The following TNFSF10 variants were observed in gnomAD, a reference collection of about 807,000 sequenced individuals.
TNFSF10 encodes the protein TNF superfamily member 10, also known as tumor necrosis factor ligand superfamily member 10.
TNFSF10 carries 13 observed loss-of-function variants against 29.5 expected under a neutral mutation model. The ratio of observed to expected loss-of-function variants is 0.44; its 90% CI spans 0.29 to 0.70. The LOEUF is 0.70. Ranked by LOEUF, TNFSF10 falls within the 30% of genes least tolerant of loss-of-function variation. The pLI, the probability that TNFSF10 is intolerant of heterozygous loss-of-function variation, is 0.13. For missense variants in TNFSF10, 345 were observed against 330.9 expected (o/e 1.04, Z -0.33); for synonymous variants, 111 against 112.8 (o/e 0.98, Z 0.10).
At chr3:172,513,348 C>T (rs1713301715) in intron 2 of TNFSF10, among the ~76,000 whole-genome samples, 3 of 152,212 alleles carry the variant, frequency 2.0e-5, no homozygotes, top group Admixed American at 2.0e-4. Flanking sequence ...TCTCAGCTTC[C>T]TCAGGACCTT....
chr3:172,506,341 G>A lies in TNFSF10; in HGVS notation c.*151C>T, dbSNP rs762249437. On this transcript the variant is annotated 3_prime_UTR_variant, in exon 5 of 5. Transcript: ENST00000241261. The stretch of plus-strand genomic sequence containing the variant: ...GTGTGTGTTGTAGAATTTTTTGGTT[G>A]TGGCTGCTCTACTCAGATTGCATAG... 5 of 929,784 alleles carry A rather than the reference G, an allele frequency of 5.4e-6. No homozygotes were observed. The highest frequency in any genetic ancestry group is 2.8e-5 in the East Asian group (1 of 35,694). 57.6% of individuals were successfully genotyped at this position (929,784 alleles called of 1,614,324 possible). A position where few individuals can be genotyped will look rare whatever the true frequency, so the allele number is the denominator to read the frequency against.
chr3:172,522,169 T>C (rs1187180813), intron 1 of TNFSF10: 3 of 356,106 alleles, frequency 8.4e-6, no homozygotes, highest in Non-Finnish European at 5.4e-6. Context: ...GTAACAAACC[T>C]GCACGTTCTG....
At chr3:172,518,190 T>C in intron 1 of TNFSF10, 1 of 1,115,300 alleles carries the variant, frequency 9.0e-7, no homozygotes, top group Non-Finnish European at 1.1e-6. Context: ...GAAGGTAGCG[T>C]GTGGGGATTA....
chr3:172,516,910 G>A (rs1230761376), intron 1 of TNFSF10, among the ~76,000 whole-genome samples: 1 of 152,186 alleles, frequency 6.6e-6, no homozygotes, highest in Non-Finnish European at 1.5e-5. Context: ...AAGGCCCGAG[G>A]GTGGTTCCAG....
chr3:172,517,586 T>C, intron 1 of TNFSF10: 1 of 985,338 alleles, frequency 1.0e-6, no homozygotes, highest in Non-Finnish European at 1.2e-6. Flanking sequence ...ATAGCAGCTA[T>C]ATTCTCACCT....
At chr3:172,517,512 AG>A (rs1713485103) in intron 1 of TNFSF10, 12 of 985,294 alleles carry the variant, frequency 1.2e-5, no homozygotes, top group Non-Finnish European at 1.4e-5. Flanking sequence ...CTTTTCTAAA[AG>A]AAAAAAAAAA....
At chr3:172,511,747 A>C in intron 2 of TNFSF10, 88 bp from the exon 3 acceptor site, 6 of 1,186,384 alleles carry the variant, frequency 5.1e-6, no homozygotes, top group Non-Finnish European at 6.0e-6. Context: ...GCTGATGTCT[A>C]ACAGGAAATT....
chr3:172,514,785 TA>T, intron 2 of TNFSF10, 75 bp downstream of exon 2: 1 of 1,554,096 alleles, frequency 6.4e-7, no homozygotes, highest in Non-Finnish European at 8.7e-7. Flanking sequence ...TTGATTATCT[TA>T]AAGATTCCTT....
chr3:172,516,475 C>T (rs1713442891), intron 1 of TNFSF10, among the ~76,000 whole-genome samples: 1 of 152,196 alleles, frequency 6.6e-6, no homozygotes, highest in Admixed American at 6.5e-5. Context: ...TCACACAGTT[C>T]TGTACTCAGC....
chr3:172,520,631 C>A (rs3774316), intron 1 of TNFSF10, among the ~76,000 whole-genome samples: 24,649 of 152,118 alleles, frequency 0.16, 2,756 homozygotes, highest in East Asian at 0.54. Flanking sequence ...TTCATTCACT[C>A]AATAAGTATG....
chr3:172,513,111 C>T (rs147331418), intron 2 of TNFSF10, among the ~76,000 whole-genome samples: 359 of 152,292 alleles, frequency 2.4e-3, no homozygotes, highest in African/African-American at 8.3e-3. Context: ...CAGCTTCCCG[C>T]TATTCTAGTT....
intron 1 of TNFSF10, chr3:172,517,246 TG>T: frequency 1.3e-6 from 1 of 778,798 alleles, no homozygotes; most frequent in Non-Finnish European, 1.6e-6. Flanking sequence ...AGGATGGTCG[TG>T]GTGGAGCTTG....
Position 172,506,748 on chromosome 3 carries a change from T to C in TNFSF10, c.590A>G (p.Lys197Arg), listed in dbSNP as rs761186171. The C allele has an allele frequency of 1.2e-6, 2 of 1,614,116 alleles. No individual in the cohort carries two copies. Among genetic ancestry groups the C allele is most frequent in the East Asian group, 2.2e-5 (1 of 44,890 alleles). The change falls in exon 5 of 5, where the codon AAA becomes AGA. Residue 197 changes from lysine (K) to arginine (R), a missense_variant. Lys to Arg is a conservative substitution (Grantham distance 26, BLOSUM62 2). Transcript: ENST00000241261. Reference protein sequence around the residue: ...QTYFRFQEEIKENTKNDKQMV... With the variant: ...QTYFRFQEEIRENTKNDKQMV... ...TTGTTTGTCGTTCTTTGTGTTTTCT[T>C]TTATTTCCTCCTGAAATCGAAAGTA... is the stretch of plus-strand genomic sequence containing the variant.
rs568064463 is a variant in TNFSF10 at position 172,522,383 on chromosome 3, G to A, written c.132+870C>T. On this transcript the variant is annotated intron_variant, in intron 1 of 4. Coordinates refer to ENST00000241261, the MANE Select transcript of TNFSF10 (RefSeq NM_003810.4). Reference sequence around the variant, plus strand: ...TCACAGTAACAAGGCCCTATTTAAAGGCTGTTGCTACTGCTGTGGAACAGA... The same window carrying A: ...TCACAGTAACAAGGCCCTATTTAAAAGCTGTTGCTACTGCTGTGGAACAGA... 36 of 1,495,516 alleles carry A rather than the reference G, an allele frequency of 2.4e-5. 1 individual carries two copies. In the South Asian group the frequency reaches 2.7e-4, roughly 11 times the overall value. The allele number at this position is 1,495,516 out of a possible 1,614,324, so 92.6% of individuals were successfully genotyped here.
Position 172,511,671 on chromosome 3 carries a change from A to T in TNFSF10, c.271-12T>A. On this transcript the variant is annotated splice_polypyrimidine_tract_variant and intron_variant, in intron 2 of 4. Coordinates refer to ENST00000241261, the MANE Select transcript of TNFSF10 (RefSeq NM_003810.4). ...GTTCTCAAAATCATCTGCAAATATT[A>T]TTGAATAAAGCTTGTTAATTTCCCT... 1 of 1,610,084 alleles carries T rather than the reference A, an allele frequency of 6.2e-7. No homozygotes were observed. Among genetic ancestry groups the T allele is most frequent in the African/African-American group, 1.3e-5 (1 of 74,968 alleles).
At position 172,506,709 on chromosome 3, in the gene TNFSF10, A is replaced by G; in HGVS notation, c.629T>C (p.Ile210Thr). 3 of 1,614,148 alleles carry G rather than the reference A, an allele frequency of 1.9e-6. No homozygotes were observed. The highest frequency in any genetic ancestry group is 2.5e-6 in the Non-Finnish European group (3 of 1,180,022). ...TKNDKQMVQY[I>T]YKYTSYPDPI... ...GTCAGGATAACTTGTGTATTTGTAA[A>G]TATATTGGACCATTTGTTTGTCGTT... Residue 210 changes from isoleucine to threonine, a missense_variant, in exon 5 of 5, where the codon ATT becomes ACT. Coordinates refer to ENST00000241261, the MANE Select transcript of TNFSF10 (RefSeq NM_003810.4).
At chr3:172,518,485 T>C in intron 1 of TNFSF10, 3 of 1,287,022 alleles carry the variant, frequency 2.3e-6, no homozygotes, top group Non-Finnish European at 3.0e-6. Context: ...GCATAAAGGA[T>C]CATTTATGGA....
chr3:172,510,243 C>T (rs1713168020), intron 3 of TNFSF10, among the ~76,000 whole-genome samples: 1 of 152,050 alleles, frequency 6.6e-6, no homozygotes, highest in South Asian at 2.1e-4. Flanking sequence ...GATCACTTAG[C>T]CTGAGAGTTT....
chr3:172,522,886 TA>T lies in TNFSF10; in HGVS notation c.132+366del, dbSNP rs551214102. ...TCTTTTTCAATTGAATGTGCACAAA[TA>T]AAAGTTTGGAAAAGGAAAACAAAAG... On this transcript the variant is annotated intron_variant, in intron 1 of 4. Transcript: ENST00000241261. Among the ~76,000 whole-genome samples the T allele has an allele frequency of 1.0e-3, 157 of 152,304 alleles. 1 individual carries two copies. Among genetic ancestry groups the T allele is most frequent in the African/African-American group, 3.6e-3 (151 of 41,560 alleles).
Sources: gnomAD v4.1 joint callset for allele counts (sites outside exome capture counted in the v4.1 genomes callset) on GRCh38, gnomAD v4.1.1 for gene constraint, MANE v1.5 for transcripts, NCBI Gene and HGNC (gene_info 2026-07-23, HGNC 2026-07-21) for gene names.